HPSE2: variants seen among roughly 807,000 people sequenced by gnomAD.
The protein encoded by HPSE2 is inactive heparanase-2.
A neutral mutation model predicts 60.5 loss-of-function variants in HPSE2; 38 were observed. The observed-to-expected ratio is 0.63, with a 90% CI of 0.48 to 0.82. The LOEUF (loss-of-function observed/expected upper bound fraction) is 0.82. Among genes scored for constraint, HPSE2 ranks in the 40% least tolerant of loss-of-function variants. HPSE2 has a pLI of 0.00. For missense variants in HPSE2, 713 were observed against 740.4 expected (o/e 0.96, Z 0.43); for synonymous variants, 295 against 293.2 (o/e 1.01, Z -0.06).
At chr10:99,115,936 G>T (rs1844672410) in intron 3 of HPSE2, among the ~76,000 whole-genome samples, 1 of 152,120 alleles carries the variant, frequency 6.6e-6, no homozygotes. Flanking sequence ...ACATTCCATT[G>T]TGTTGATAAC....
chr10:99,310,166 C>A, the HPSE2 span, among the ~76,000 whole-genome samples: 1 of 152,138 alleles, frequency 6.6e-6, no homozygotes, highest in Non-Finnish European at 1.5e-5. Context: ...CATTTAGGGC[C>A]CACCTGGAAA....
chr10:98,866,534 A>C (rs1211271666), intron 3 of HPSE2, among the ~76,000 whole-genome samples: 1 of 152,108 alleles, frequency 6.6e-6, no homozygotes, highest in Non-Finnish European at 1.5e-5. Context: ...CCTAAGCATA[A>C]GAAACATAAA....
intron 2 of HPSE2, among the ~76,000 whole-genome samples, chr10:99,185,699 G>A (rs574577772): frequency 9.2e-5 from 14 of 151,784 alleles, no homozygotes; most frequent in African/African-American, 1.4e-4. Context: ...GCGTGAACCC[G>A]GGAGGCGGAG....
At chr10:98,554,636 C>T (rs998513444) in intron 9 of HPSE2, among the ~76,000 whole-genome samples, 4 of 152,172 alleles carry the variant, frequency 2.6e-5, no homozygotes, top group African/African-American at 9.7e-5. Flanking sequence ...TACAATGATG[C>T]AAGTATTATA....
intron 11 of HPSE2, among the ~76,000 whole-genome samples, chr10:98,478,605 G>A (rs1941115075): frequency 6.6e-6 from 1 of 152,170 alleles, no homozygotes; most frequent in African/African-American, 2.4e-5. Context: ...ATTTTGAAGT[G>A]AAATCTATCT....
intron 7 of HPSE2, among the ~76,000 whole-genome samples, chr10:98,625,221 A>T (rs1299212860): frequency 1.3e-5 from 2 of 152,230 alleles, no homozygotes; most frequent in Non-Finnish European, 2.9e-5. Flanking sequence ...TGATCAAAGA[A>T]TTGGAAGCAA....
rs1256856762 is a variant in HPSE2, at chr10:98,457,722, G to A, written c.*1852C>T. 2.0e-5 allele frequency: 3 copies of A among 147,420 alleles called. No homozygotes were observed. The highest frequency in any genetic ancestry group is 7.6e-5 in the African/African-American group (3 of 39,670). The allele number at this position is 147,420 out of a possible 1,614,324, so 9.1% of individuals were successfully genotyped here. On this transcript the variant is annotated 3_prime_UTR_variant, in exon 12 of 12. Coordinates refer to ENST00000370552, the MANE Select transcript of HPSE2 (RefSeq NM_021828.5). ...TACCCCCCGCCCCGCCCCCATCTTG[G>A]TACTTCACTTTCCTGCCCTCTCAGA...
At chr10:98,697,878 C>G (rs1384332635) in intron 5 of HPSE2, among the ~76,000 whole-genome samples, 1 of 151,700 alleles carries the variant, frequency 6.6e-6, no homozygotes, top group East Asian at 1.9e-4. Flanking sequence ...CAACAAAGAT[C>G]AAAAGAGACA....
the HPSE2 span, among the ~76,000 whole-genome samples, chr10:99,301,023 A>C: frequency 0.86 from 130,512 of 152,152 alleles, 56,363 homozygotes; most frequent in African/African-American, 0.93. Context: ...GGCAGTAGTC[A>C]CAGTTCATTC....
chr10:98,842,590 G>A (rs1254349689), intron 3 of HPSE2, among the ~76,000 whole-genome samples: 1 of 148,178 alleles, frequency 6.7e-6, no homozygotes, highest in Non-Finnish European at 1.5e-5. Flanking sequence ...TAGAGAGCAA[G>A]TTCCACAGAT....
the HPSE2 span, among the ~76,000 whole-genome samples, chr10:99,300,528 G>T: frequency 1.3e-5 from 2 of 152,190 alleles, no homozygotes; most frequent in African/African-American, 2.4e-5. Context: ...GTTGTACCAT[G>T]GGGTACCATG....
At chr10:98,684,175 T>G (rs1383761538) in intron 6 of HPSE2, among the ~76,000 whole-genome samples, 1 of 150,490 alleles carries the variant, frequency 6.6e-6, no homozygotes, top group Non-Finnish European at 1.5e-5. Context: ...CAAATAAGAG[T>G]CAAAAAGAAT....
intron 9 of HPSE2, among the ~76,000 whole-genome samples, chr10:98,545,682 C>A (rs1943646025): frequency 6.6e-6 from 1 of 152,078 alleles, no homozygotes; most frequent in Non-Finnish European, 1.5e-5. Context: ...CTATGACAAA[C>A]CCACGCCAAT....
At chr10:98,796,080 C>A (rs1463382922) in intron 3 of HPSE2, among the ~76,000 whole-genome samples, 1 of 152,058 alleles carries the variant, frequency 6.6e-6, no homozygotes, top group Non-Finnish European at 1.5e-5. Context: ...TAGGGTGTGA[C>A]CCAAGACATT....
chr10:99,076,885 T>C (rs1005428284), intron 3 of HPSE2, among the ~76,000 whole-genome samples: 1 of 152,228 alleles, frequency 6.6e-6, no homozygotes, highest in Non-Finnish European at 1.5e-5. Flanking sequence ...ATAAGTCTTT[T>C]AAGGCAGGTC....
At chr10:98,638,707 G>A (rs767758781) in intron 7 of HPSE2, among the ~76,000 whole-genome samples, 1 of 152,162 alleles carries the variant, frequency 6.6e-6, no homozygotes, top group Non-Finnish European at 1.5e-5. Flanking sequence ...CTTGGGTTGT[G>A]GTGAGAGAGA....
intron 2 of HPSE2, among the ~76,000 whole-genome samples, chr10:99,207,506 G>C (rs572209850): frequency 5.1e-4 from 78 of 152,116 alleles, no homozygotes; most frequent in Admixed American, 2.1e-3. Flanking sequence ...TGTAATGATA[G>C]TATGTGAATA....
upstream of HPSE2, among the ~76,000 whole-genome samples, chr10:99,238,377 C>G (rs1187637059): frequency 6.6e-6 from 1 of 152,190 alleles, no homozygotes; most frequent in Non-Finnish European, 1.5e-5. Context: ...ACTGACCTAA[C>G]TACTCTATAA....
At chr10:99,188,882 T>C (rs796230585) in intron 2 of HPSE2, among the ~76,000 whole-genome samples, 5 of 152,308 alleles carry the variant, frequency 3.3e-5, no homozygotes, top group African/African-American at 9.6e-5. Flanking sequence ...GCTCATGACT[T>C]CTCAGTCCTG....
Sources: allele counts gnomAD v4.1 joint callset (sites outside exome capture counted in the v4.1 genomes callset), GRCh38; gene constraint gnomAD v4.1.1; transcripts MANE v1.5; gene names NCBI Gene and HGNC (gene_info 2026-07-23, HGNC 2026-07-21).